PCDHGB1: variants seen among roughly 807,000 people sequenced by gnomAD.
PCDHGB1 encodes protocadherin gamma subfamily B, 1.
PCDHGB1 carries 34 observed loss-of-function variants against 56.6 expected under a neutral mutation model. The observed-to-expected ratio is 0.60, with a 90% CI of 0.46 to 0.80. The LOEUF (loss-of-function observed/expected upper bound fraction) is 0.80. Among genes scored for constraint, PCDHGB1 ranks in the 30% least tolerant of loss-of-function variants. The pLI, the probability that PCDHGB1 is intolerant of heterozygous loss-of-function variation, is 0.00. For synonymous variants in PCDHGB1, 561 were observed against 505.9 expected (o/e 1.11, Z -1.46); for missense variants, 1,278 against 1,204.6 (o/e 1.06, Z -0.90).
intron 1 of PCDHGB1, among the ~76,000 whole-genome samples, chr5:141,467,931 T>C (rs771009105): frequency 1.3e-5 from 2 of 151,966 alleles, no homozygotes; most frequent in Non-Finnish European, 2.9e-5. Flanking sequence ...AATGCTAGGA[T>C]TACAAGCATG....
chr5:141,395,518 C>T (rs1046650715), intron 1 of PCDHGB1: 2 of 412,004 alleles, frequency 4.9e-6, no homozygotes, highest in Admixed American at 4.2e-5. Context: ...AGCTACCCGT[C>T]CATACTGGTA....
rs757565497 is a variant in PCDHGB1 at position 141,370,731 on chromosome 5, C to A, written c.2409+18062C>A. 4 of 1,613,798 alleles carry A rather than the reference C, an allele frequency of 2.5e-6. No homozygotes were observed. The South Asian group carries it at 3.3e-5, about 13-fold the overall frequency. ...GGAATTTGAAATGGTTGCTGAAAAG[C>A]CTTTAAACTTTTTTCATGTAACTGT... On this transcript the variant is annotated intron_variant, in intron 1 of 3. Coordinates refer to ENST00000523390, the MANE Select transcript of PCDHGB1 (RefSeq NM_018922.3).
At chr5:141,389,765 G>C in intron 1 of PCDHGB1, 1 of 1,612,992 alleles carries the variant, frequency 6.2e-7, no homozygotes, top group Non-Finnish European at 8.5e-7. Context: ...TGCGCACAGC[G>C]CGTGCCTTAG....
In PCDHGB1 at chr5:141,485,985, T is replaced by C. The variant is rs748867624; in HGVS notation, c.2410-8822T>C. 5.6e-6 allele frequency: 9 copies of C among 1,614,086 alleles called. No homozygotes were observed. Among genetic ancestry groups the C allele is most frequent in the South Asian group, 5.5e-5 (5 of 91,094 alleles). On this transcript the variant is annotated intron_variant, in intron 1 of 3. Coordinates refer to ENST00000523390, the MANE Select transcript of PCDHGB1 (RefSeq NM_018922.3). The surrounding 1 kb of genome is among the most constrained non-coding windows in gnomAD (Gnocchi z 5.7). ...CAGCTCAATGCCTCAGACCCGGACC[T>C]GGGTCCCAGTGGTAACGTCACCTTT...
intron 1 of PCDHGB1, among the ~76,000 whole-genome samples, chr5:141,358,630 G>A (rs1355108654): frequency 6.6e-6 from 1 of 152,190 alleles, no homozygotes; most frequent in Non-Finnish European, 1.5e-5. Context: ...GCTAATTTCA[G>A]TCATATATAA....
chr5:141,469,395 T>G lies in PCDHGB1; in HGVS notation c.2410-25412T>G, dbSNP rs1332746609. ...ATCGAGACCATCCTGGCCAACATGG[T>G]GAAACCCCGTTTCTACTAAAAATAT... On this transcript the variant is annotated intron_variant, in intron 1 of 3. Transcript: ENST00000523390. Among the ~76,000 whole-genome samples, 6 of 152,194 alleles carry G rather than the reference T, an allele frequency of 3.9e-5. No homozygotes were observed. The East Asian group carries it at 1.2e-3, about 29-fold the overall frequency.
intron 1 of PCDHGB1, chr5:141,375,792 A>G: frequency 6.2e-7 from 1 of 1,614,190 alleles, no homozygotes; most frequent in Non-Finnish European, 8.5e-7. Flanking sequence ...CTCCCCACAG[A>G]CGGTTCCACT....
At chr5:141,460,985 A>G (rs553462661) in intron 1 of PCDHGB1, among the ~76,000 whole-genome samples, 245 of 91,804 alleles carry the variant, frequency 2.7e-3, no homozygotes, top group Middle Eastern at 5.0e-3. Context: ...GTGTGTGTGT[A>G]TATATATATA....
At chr5:141,381,992 G>A (rs553767265) in intron 1 of PCDHGB1, among the ~76,000 whole-genome samples, 50 of 151,748 alleles carry the variant, frequency 3.3e-4, no homozygotes, top group African/African-American at 1.1e-3. Context: ...ACCACGCCCG[G>A]ATAATTTTGT....
intron 1 of PCDHGB1, chr5:141,366,464 C>T (rs770814147): frequency 6.2e-7 from 1 of 1,614,226 alleles, no homozygotes; most frequent in Non-Finnish European, 8.5e-7. Flanking sequence ...CATCGTGCTG[C>T]TGGTGCTCAG....
intron 1 of PCDHGB1, among the ~76,000 whole-genome samples, chr5:141,362,987 G>T (rs191534740): frequency 1.3e-5 from 2 of 152,326 alleles, no homozygotes; most frequent in Admixed American, 6.5e-5. Context: ...TTTGCATAAT[G>T]GCATGGCTTG....
At position 141,478,334 on chromosome 5, in the gene PCDHGB1, C is replaced by T. The variant is rs1303200872; in HGVS notation, c.2410-16473C>T. 2.5e-6 allele frequency: 4 copies of T among 1,613,944 alleles called. No individual in the cohort carries two copies. The highest frequency in any genetic ancestry group is 3.4e-6 in the Non-Finnish European group (4 of 1,180,016). ...GAGCTCACTGTACCGAACACCAGGG[C>T]CCTCCTTGCACGCGGACGCCGTGCG... On this transcript the variant is annotated intron_variant, in intron 1 of 3. Coordinates refer to ENST00000523390, the MANE Select transcript of PCDHGB1 (RefSeq NM_018922.3).
At chr5:141,394,797 G>A (rs551668843) in intron 1 of PCDHGB1, 2 of 1,613,798 alleles carry the variant, frequency 1.2e-6, no homozygotes, top group Admixed American at 1.7e-5. Flanking sequence ...CACGCTCACC[G>A]TAGCCGTGGC....
intron 1 of PCDHGB1, chr5:141,361,589 G>A (rs768038039): frequency 1.2e-6 from 2 of 1,614,024 alleles, no homozygotes; most frequent in Non-Finnish European, 1.7e-6. Flanking sequence ...GGCCCCAGTG[G>A]CCAAGTTTCC....
intron 1 of PCDHGB1, among the ~76,000 whole-genome samples, chr5:141,479,935 A>C (rs1226362422): frequency 1.3e-5 from 2 of 152,232 alleles, no homozygotes. Context: ...CATCATTGCT[A>C]TCAACTCTTG....
At chr5:141,380,262 A>G (rs1183031008) in intron 1 of PCDHGB1, among the ~76,000 whole-genome samples, 3 of 152,232 alleles carry the variant, frequency 2.0e-5, no homozygotes, top group African/African-American at 7.2e-5. Flanking sequence ...GGGAAGGAGT[A>G]AAATCTCAGA....
chr5:141,446,251 A>G (rs979768028), intron 1 of PCDHGB1, among the ~76,000 whole-genome samples: 1 of 152,178 alleles, frequency 6.6e-6, no homozygotes, highest in Admixed American at 6.5e-5. Context: ...ATCTTCAGTG[A>G]AATATTATTA....
rs767775457 is a variant in PCDHGB1 at position 141,350,460 on chromosome 5, G to A, written c.200G>A (p.Ser67Asn). ...TTGCCAACTCGAAAACTGCGGGTTA[G>A]TGCAGAGGATTATTTCAACGTTAGT... ...RELPTRKLRV[S>N]AEDYFNVSLE... Residue 67 changes from serine to asparagine, a missense_variant, in exon 1 of 4, where the codon AGT (serine) becomes AAT (asparagine). By Grantham distance (46) the Ser-to-Asn change is conservative. Coordinates refer to ENST00000523390, the MANE Select transcript of PCDHGB1 (RefSeq NM_018922.3). 71 of 1,613,782 alleles carry A rather than the reference G, an allele frequency of 4.4e-5. No homozygotes were observed. Among genetic ancestry groups the A allele is most frequent in the Non-Finnish European group, 5.8e-5 (69 of 1,179,800 alleles).
intron 1 of PCDHGB1, chr5:141,402,869 C>G (rs1051518401): frequency 6.7e-5 from 97 of 1,448,564 alleles, no homozygotes; most frequent in Admixed American, 6.1e-4. Flanking sequence ...GAAAAGATCA[C>G]CATACTTTGC....
Sources: gnomAD v4.1 joint callset for allele counts (sites outside exome capture counted in the v4.1 genomes callset) on GRCh38, gnomAD v4.1.1 for gene constraint, Gnocchi (gnomAD v3.1) non-coding constraint, MANE v1.5 for transcripts, NCBI Gene and HGNC (gene_info 2026-07-23, HGNC 2026-07-21) for gene names.